The following GSDME variants were observed in gnomAD, a reference collection of about 807,000 sequenced individuals.
The protein encoded by GSDME is gasdermin E, also known as gasdermin-E.
Under a neutral mutation model 47.5 loss-of-function variants are expected in GSDME, and 44 were observed. That is an observed-to-expected ratio of 0.93 (90% CI 0.73 to 1.19). GSDME has a LOEUF of 1.19. GSDME is among the 50% of genes most tolerant of loss of function. GSDME has a pLI of 0.00. For missense variants in GSDME, 663 were observed against 604.2 expected, an observed-to-expected ratio of 1.10 and a Z score of -1.02; for synonymous variants, 258 against 252.8, an observed-to-expected ratio of 1.02 and a Z score of -0.20.
At chr7:24,741,527 T>G (rs748783452) in intron 3 of GSDME, among the ~76,000 whole-genome samples, 3 of 152,210 alleles carry the variant, frequency 2.0e-5, no homozygotes, top group Non-Finnish European at 4.4e-5. Flanking sequence ...AGCACAGGCT[T>G]GTTTTTTCAA....
At position 24,747,337 on chromosome 7, in the gene GSDME, C is replaced by T. The variant is rs116967572; in HGVS notation, c.211+2227G>A. 3.2e-3 allele frequency among the ~76,000 whole-genome samples: 494 copies of T among 152,322 alleles called. 10 individuals are homozygous for T. Among genetic ancestry groups the T allele is most frequent in the East Asian group, 0.031 (161 of 5,186 alleles). On this transcript the variant is annotated intron_variant, in intron 2 of 9. Transcript: ENST00000645220. ...GACTGGAGACAGCACTGGCTGGAAT[C>T]GTTTCCTGGAAGAAAGTTTGAAGAT...
At chr7:24,700,895 T>C (rs942937349) in intron 9 of GSDME, among the ~76,000 whole-genome samples, 7 of 152,196 alleles carry the variant, frequency 4.6e-5, no homozygotes, top group African/African-American at 1.4e-4. Context: ...GCATTCGGCT[T>C]TCTTTTCTAA....
rs138741730 is a variant in GSDME at position 24,719,095 on chromosome 7, G to A, written c.528C>T (p.Val176=). ...CCACGATGCCACCACACTTCTCCTC[G>A]ACCTGCATGTGCTCAGAGATCACAC... The part of the protein sequence containing the change: ...QKCVISEHMQ[V]EEKCGGIVGI... The change falls in exon 4 of 10, where the codon GTC becomes GTT. Residue 176 remains valine, a synonymous_variant. Transcript: ENST00000645220. 5.8e-4 allele frequency: 937 copies of A among 1,613,564 alleles called. 6 individuals carry two copies. Among genetic ancestry groups the A allele is most frequent in the Non-Finnish European group, 1.7e-4 (196 of 1,180,030 alleles).
At chr7:24,699,368 A>C in intron 9 of GSDME, 109 bp from the exon 10 acceptor site, 2 of 782,632 alleles carry the variant, frequency 2.6e-6, no homozygotes, top group South Asian at 1.5e-5. Context: ...TTTGAGATGG[A>C]GTCTTGCTCT....
chr7:24,706,290 G>T lies in GSDME; in HGVS notation c.1077C>A (p.Phe359Leu), dbSNP rs1282433991. The T allele has an allele frequency of 6.8e-6, 11 of 1,614,134 alleles. No homozygotes were observed. The highest frequency in any genetic ancestry group is 9.3e-6 in the Non-Finnish European group (11 of 1,180,028). Residue 359 changes from phenylalanine to leucine, a missense_variant, in exon 8 of 10, where the codon TTC (phenylalanine) becomes TTA (leucine). Physicochemically the swap from Phe to Leu is conservative, Grantham distance 22 (BLOSUM62 0). Coordinates refer to ENST00000645220, the MANE Select transcript of GSDME (RefSeq NM_001127453.2). ...GTAAGCTGCACCCCACCAGCTGCAGGAAGGCCACAAGGTCCTGCTGCTGCC... is the reference window on the plus strand; with the variant it reads ...GTAAGCTGCACCCCACCAGCTGCAGTAAGGCCACAAGGTCCTGCTGCTGCC... ...KPRQQQDLVAFLQLVGCSLQG... is the reference protein window; with the variant it reads ...KPRQQQDLVALLQLVGCSLQG...
At chr7:24,776,342 C>T in the GSDME span, among the ~76,000 whole-genome samples, 2 of 152,126 alleles carry the variant, frequency 1.3e-5, no homozygotes, top group Non-Finnish European at 2.9e-5. Context: ...GTGTCTGTCA[C>T]CAGGAGCCAG....
Position 24,710,305 on chromosome 7 carries a change from G to C in GSDME, c.781C>G (p.Arg261Gly), listed in dbSNP as rs200205042. ...DSVYLDPLVF[R>G]EFAFIDMPDA... ...GGCATGTCTATGAATGCAAACTCTCGAAAGACCAGGGGGTCCAGGTAGACA... is the reference window on the plus strand; with the variant it reads ...GGCATGTCTATGAATGCAAACTCTCCAAAGACCAGGGGGTCCAGGTAGACA... The change falls in exon 6 of 10, where the codon CGA becomes GGA. Residue 261 changes from arginine to glycine, a missense_variant. Transcript: ENST00000645220. The C allele has an allele frequency of 1.9e-6, 3 of 1,614,104 alleles. No individual in the cohort carries two copies. The highest frequency in any genetic ancestry group is 1.7e-5 in the Admixed American group (1 of 60,006).
In GSDME at chr7:24,714,801, G is replaced by A. The variant is rs773865894; in HGVS notation, c.697+2453C>T. Among the ~76,000 whole-genome samples the A allele has an allele frequency of 4.6e-5, 7 of 152,200 alleles. No individual in the cohort carries two copies. Among genetic ancestry groups the A allele is most frequent in the Non-Finnish European group, 8.8e-5 (6 of 68,038 alleles). On this transcript the variant is annotated intron_variant, in intron 5 of 9. Transcript: ENST00000645220. This position sits in a 1 kb window ranked among gnomAD's most constrained non-coding sequence, Gnocchi z 5.0. ...TCCTGGGACAAACAGGAGGAAGCTC[G>A]CATGGGGACCACCACCTAGAGTGGC... is the stretch of plus-strand genomic sequence containing the variant.
intron 9 of GSDME, among the ~76,000 whole-genome samples, chr7:24,700,926 C>G (rs1178479546): frequency 6.6e-6 from 1 of 152,190 alleles, no homozygotes; most frequent in African/African-American, 2.4e-5. Context: ...CCCCCTTTGC[C>G]CACAGGCATT....
At chr7:24,717,471 T>TG in intron 4 of GSDME, 97 bp from the exon 5 acceptor site, 1 of 1,567,254 alleles carries the variant, frequency 6.4e-7, no homozygotes, top group Non-Finnish European at 8.7e-7. Context: ...ACATAAGAGA[T>TG]GCTGAGCAAT....
chr7:24,792,829 C>T, the GSDME span, among the ~76,000 whole-genome samples: 331 of 151,932 alleles, frequency 2.2e-3, no homozygotes, highest in African/African-American at 7.6e-3. Context: ...TTGATAAGAA[C>T]GTAATTTTCA....
At chr7:24,747,214 T>C (rs918224974) in intron 2 of GSDME, among the ~76,000 whole-genome samples, 2 of 152,250 alleles carry the variant, frequency 1.3e-5, no homozygotes, top group East Asian at 1.9e-4. Context: ...CACCGTTCGA[T>C]AGAAGTTCTG....
At chr7:24,740,100 A>T (rs1790439694) in intron 3 of GSDME, among the ~76,000 whole-genome samples, 1 of 152,170 alleles carries the variant, frequency 6.6e-6, no homozygotes, top group South Asian at 2.1e-4. Context: ...CTCAAAAAAA[A>T]AAAAAGGATA....
At chr7:24,787,659 T>C in the GSDME span, among the ~76,000 whole-genome samples, 1 of 152,202 alleles carries the variant, frequency 6.6e-6, no homozygotes, top group Non-Finnish European at 1.5e-5. The surrounding 1 kb of genome is among the most constrained non-coding windows in gnomAD (Gnocchi z 5.0). Context: ...AGTAATAGTA[T>C]CATGGAGAAC....
intron 3 of GSDME, among the ~76,000 whole-genome samples, chr7:24,729,263 G>C (rs1790065871): frequency 6.6e-6 from 1 of 152,222 alleles, no homozygotes; most frequent in South Asian, 2.1e-4. Context: ...ATAGAAGTTG[G>C]ATCGGAAAAA....
chr7:24,780,426 T>G, the GSDME span, among the ~76,000 whole-genome samples: 1 of 152,110 alleles, frequency 6.6e-6, no homozygotes, highest in South Asian at 2.1e-4. The surrounding 1 kb of genome is among the most constrained non-coding windows in gnomAD (Gnocchi z 4.1). Context: ...ATTCAGGAAG[T>G]TTCTTAGTTG....
chr7:24,703,833 G>A lies in GSDME; in HGVS notation c.1184-1000C>T, dbSNP rs369305639. On this transcript the variant is annotated intron_variant, in intron 8 of 9. Transcript: ENST00000645220. The stretch of plus-strand genomic sequence containing the variant: ...GAAGAGAAGATCCACAGTTTCTCAA[G>A]TAGTCTCTTACCCCAAAGCAGGAAG... 1.1e-4 allele frequency: 17 copies of A among 152,326 alleles called. 1 individual carries two copies. Among genetic ancestry groups the A allele is most frequent in the Admixed American group, 7.2e-4 (11 of 15,302 alleles). The allele number at this position is 152,326 out of a possible 1,614,324, so 9.4% of individuals were successfully genotyped here.
In GSDME at chr7:24,745,328, TG is replaced by T. The variant is rs1790634652; in HGVS notation, c.212-575del. 6.6e-6 allele frequency among the ~76,000 whole-genome samples: 1 copy of T among 152,168 alleles called. No homozygotes were observed. Among genetic ancestry groups the T allele is most frequent in the Non-Finnish European group, 1.5e-5 (1 of 68,016 alleles). On this transcript the variant is annotated intron_variant, in intron 2 of 9. Transcript: ENST00000645220. The surrounding 1 kb of genome is among the most constrained non-coding windows in gnomAD (Gnocchi z 4.4). ...CCTTCCTTGGCCACCTAGGCCTGTCTGGGGGCATCTTGTCTACCCACCCACC... is the reference window on the plus strand; with the variant it reads ...CCTTCCTTGGCCACCTAGGCCTGTCTGGGGCATCTTGTCTACCCACCCACC...
chr7:24,708,036 G>T (rs565634903), intron 7 of GSDME, 91 bp downstream of exon 7: 64 of 1,515,112 alleles, frequency 4.2e-5, no homozygotes, highest in Non-Finnish European at 5.7e-5. Flanking sequence ...AAAAGGAGGC[G>T]GGGGAACCTT....
Sources: gnomAD v4.1 joint callset for allele counts (sites outside exome capture counted in the v4.1 genomes callset) on GRCh38, gnomAD v4.1.1 for gene constraint, Gnocchi (gnomAD v3.1) non-coding constraint, MANE v1.5 for transcripts, NCBI Gene and HGNC (gene_info 2026-07-23, HGNC 2026-07-21) for gene names.